The following FAR1 variants were observed in gnomAD, a reference collection of about 807,000 sequenced individuals.
FAR1 encodes male sterility domain-containing protein 2.
FAR1 carries 22 observed loss-of-function variants against 61.1 expected under a neutral mutation model. The observed-to-expected ratio is 0.36, with a 90% CI of 0.26 to 0.51. The LOEUF (loss-of-function observed/expected upper bound fraction) is 0.51, where lower values mean the gene tolerates loss of function less well. FAR1 is among the 20% of genes least tolerant of loss of function. The probability of loss-of-function intolerance (pLI) is 0.95; values close to 1 mark genes in which losing one functional copy is unlikely to be tolerated. For missense variants in FAR1, 359 were observed against 626.9 expected, an observed-to-expected ratio of 0.57 and a Z score of 4.56; for synonymous variants, 206 against 209.7, an observed-to-expected ratio of 0.98 and a Z score of 0.15.
At chr11:13,674,788 G>T (rs1162202265) in intron 1 of FAR1, among the ~76,000 whole-genome samples, 1 of 152,158 alleles carries the variant, frequency 6.6e-6, no homozygotes, top group African/African-American at 2.4e-5. Flanking sequence ...TTGAAAAGTA[G>T]TTCTACCTAA....
intron 4 of FAR1, among the ~76,000 whole-genome samples, chr11:13,708,447 G>GCGCACACACACACACACACA (rs139902063): frequency 4.5e-4 from 62 of 136,718 alleles, no homozygotes; most frequent in Admixed American, 1.6e-3. Flanking sequence ...GCGCGCGCGC[G>GCGCACACACACACACACACA]CACACACACA....
chr11:13,714,272 TA>T (rs1161340585), intron 8 of FAR1, among the ~76,000 whole-genome samples: 1 of 152,170 alleles, frequency 6.6e-6, no homozygotes, highest in African/African-American at 2.4e-5. Flanking sequence ...GAGTGAATTT[TA>T]GCAAAAATTC....
intron 10 of FAR1, among the ~76,000 whole-genome samples, chr11:13,725,679 A>G (rs540972637): frequency 1.3e-5 from 2 of 152,270 alleles, no homozygotes; most frequent in East Asian, 1.9e-4. Context: ...TGGTAGAACT[A>G]TATGGTGTAT....
chr11:13,677,712 C>T (rs1369852022), intron 1 of FAR1, among the ~76,000 whole-genome samples: 1 of 152,156 alleles, frequency 6.6e-6, no homozygotes, highest in Non-Finnish European at 1.5e-5. Flanking sequence ...CTTTTTTAGT[C>T]CTAGCCTTTT....
chr11:13,683,894 G>A (rs1017618989), intron 1 of FAR1, among the ~76,000 whole-genome samples: 2 of 152,162 alleles, frequency 1.3e-5, no homozygotes, highest in Non-Finnish European at 2.9e-5. Context: ...GCTAAAACAT[G>A]GAACTAAAAG....
At chr11:13,701,492 G>T (rs972388765) in intron 3 of FAR1, among the ~76,000 whole-genome samples, 1 of 152,036 alleles carries the variant, frequency 6.6e-6, no homozygotes, top group Non-Finnish European at 1.5e-5. Context: ...CTTGAAGCCA[G>T]CCTCAGCAAC....
chr11:13,700,146 C>T (rs564495049), intron 2 of FAR1, among the ~76,000 whole-genome samples, 171 bp from the exon 3 acceptor site: 2 of 151,966 alleles, frequency 1.3e-5, no homozygotes, highest in Non-Finnish European at 2.9e-5. Flanking sequence ...GCGTGGGCCT[C>T]ATAGGGTGTT....
At chr11:13,702,198 C>G (rs7122956) in intron 3 of FAR1, among the ~76,000 whole-genome samples, 25,702 of 151,884 alleles carry the variant, frequency 0.17, 2,343 homozygotes, top group South Asian at 0.24. Flanking sequence ...ATAATATGAT[C>G]TTATTTTCAT....
Position 13,728,850 on chromosome 11 carries a change from C to T in FAR1, c.*76C>T. The T allele has an allele frequency of 1.4e-6, 2 of 1,386,022 alleles. No homozygotes were observed. Among genetic ancestry groups the T allele is most frequent in the Non-Finnish European group, 2.0e-6 (2 of 1,010,840 alleles). 85.9% of individuals were successfully genotyped at this position (1,386,022 alleles called of 1,614,324 possible). On this transcript the variant is annotated 3_prime_UTR_variant, in exon 12 of 12. Coordinates refer to ENST00000354817, the MANE Select transcript of FAR1 (RefSeq NM_032228.6). ...ACAAAATGTAAAATGTATAAGTCATCTCACTTTTTGTCAAGACATTAAACC... is the reference window on the plus strand; with the variant it reads ...ACAAAATGTAAAATGTATAAGTCATTTCACTTTTTGTCAAGACATTAAACC...
chr11:13,670,526 A>G (rs1020621098), intron 1 of FAR1, among the ~76,000 whole-genome samples: 1 of 152,066 alleles, frequency 6.6e-6, no homozygotes, highest in Admixed American at 6.6e-5. Context: ...CCCTGACTTC[A>G]AGAGATCCAT....
Position 13,730,208 on chromosome 11 carries a change from A to C in FAR1, c.*1434A>C, listed in dbSNP as rs566748416. 5.9e-5 allele frequency: 9 copies of C among 151,728 alleles called. No individual in the cohort carries two copies. The South Asian group carries it at 1.5e-3, about 25-fold the overall frequency. 9.4% of individuals were successfully genotyped at this position (151,728 alleles called of 1,614,324 possible). ...AGAACAGTTCGCAATACAAAAAGTT[A>C]CATGGAGCTTTACATCTTAACTTTC... is the stretch of plus-strand genomic sequence containing the variant. On this transcript the variant is annotated 3_prime_UTR_variant, in exon 12 of 12. Coordinates refer to ENST00000354817, the MANE Select transcript of FAR1 (RefSeq NM_032228.6).
intron 2 of FAR1, among the ~76,000 whole-genome samples, chr11:13,698,825 C>T (rs572333210): frequency 1.4e-3 from 214 of 150,012 alleles, no homozygotes; most frequent in African/African-American, 4.4e-3. Context: ...AGCAAGACTC[C>T]GTCTCAAAAA....
chr11:13,712,107 T>C, intron 7 of FAR1, 61 bp downstream of exon 7: 2 of 1,147,776 alleles, frequency 1.7e-6, no homozygotes, highest in Non-Finnish European at 2.6e-6. Context: ...AAGACATAGC[T>C]TTTGAGTAAT....
chr11:13,693,587 T>C (rs550287293), intron 1 of FAR1, among the ~76,000 whole-genome samples: 1 of 152,332 alleles, frequency 6.6e-6, no homozygotes, highest in East Asian at 1.9e-4. Flanking sequence ...CTTTTAATTA[T>C]CTTGATTTCC....
At chr11:13,710,962 G>A (rs1410432005) in intron 5 of FAR1, 92 bp downstream of exon 5, 11 of 1,130,054 alleles carry the variant, frequency 9.7e-6, no homozygotes, top group Non-Finnish European at 1.1e-5. Flanking sequence ...TTAAGAACAG[G>A]TATTATTTAC....
rs1390616778 is a variant in FAR1, at chr11:13,712,113, G to A, written c.887+67G>A. Reference sequence around the variant, plus strand: ...TGAAAAGGGAAGACATAGCTTTTGAGTAATGTTAATTAATCCCTCTATCCA... The same window carrying A: ...TGAAAAGGGAAGACATAGCTTTTGAATAATGTTAATTAATCCCTCTATCCA... On this transcript the variant is annotated intron_variant, in intron 7 of 11. Coordinates refer to ENST00000354817, the MANE Select transcript of FAR1 (RefSeq NM_032228.6). The A allele has an allele frequency of 3.6e-6, 4 of 1,108,786 alleles. No homozygotes were observed. In the African/African-American group the frequency reaches 4.6e-5, roughly 13 times the overall value. The allele number at this position is 1,108,786 out of a possible 1,614,324, so 68.7% of individuals were successfully genotyped here. A position where few individuals can be genotyped will look rare whatever the true frequency, so the allele number is the denominator to read the frequency against.
At chr11:13,727,261 C>A (rs1309806139) in intron 10 of FAR1, among the ~76,000 whole-genome samples, 1 of 150,832 alleles carries the variant, frequency 6.6e-6, no homozygotes, top group South Asian at 2.1e-4. Context: ...CTTTTTTTTT[C>A]TTTGTTTAGC....
intron 3 of FAR1, among the ~76,000 whole-genome samples, chr11:13,707,629 ATC>A (rs1402430563): frequency 2.6e-5 from 4 of 152,204 alleles, no homozygotes; most frequent in Non-Finnish European, 5.9e-5. Context: ...GACTGAAATT[ATC>A]TGTTTGTTCC....
At position 13,730,216 on chromosome 11, in the gene FAR1, C is replaced by CT. The variant is rs1848710003; in HGVS notation, c.*1445dup. On this transcript the variant is annotated 3_prime_UTR_variant, in exon 12 of 12. Transcript: ENST00000354817. ...TCGCAATACAAAAAGTTACATGGAGCTTTACATCTTAACTTTCTTTGTCAA... is the reference window on the plus strand; with the variant it reads ...TCGCAATACAAAAAGTTACATGGAGCTTTTACATCTTAACTTTCTTTGTCAA... The CT allele has an allele frequency of 6.7e-6, 1 of 148,618 alleles. No homozygotes were observed. The highest frequency in any genetic ancestry group is 1.5e-5 in the Non-Finnish European group (1 of 66,112). 9.2% of individuals were successfully genotyped at this position (148,618 alleles called of 1,614,324 possible). A position where few individuals can be genotyped will look rare whatever the true frequency, so the allele number is the denominator to read the frequency against.
Sources: allele counts gnomAD v4.1 joint callset (sites outside exome capture counted in the v4.1 genomes callset), GRCh38; gene constraint gnomAD v4.1.1; transcripts MANE v1.5; gene names NCBI Gene and HGNC (gene_info 2026-07-23, HGNC 2026-07-21).